The following SMG1 variants were observed in gnomAD, a reference collection of about 807,000 sequenced individuals.
The protein encoded by SMG1 is serine/threonine-protein kinase SMG1.
Under a neutral mutation model 419.9 loss-of-function variants are expected in SMG1, and 22 were observed. The ratio of observed to expected loss-of-function variants is 0.05; its 90% CI spans 0.04 to 0.07. The LOEUF is 0.07. Among genes scored for constraint, SMG1 ranks in the 10% least tolerant of loss-of-function variants. SMG1 has a pLI of 1.00. For missense variants in SMG1, 3,185 were observed against 4,342.0 expected (o/e 0.73, Z 7.49); for synonymous variants, 1,538 against 1,553.5 (o/e 0.99, Z 0.23).
intron 37 of SMG1, 66 bp from the exon 38 acceptor site, chr16:18,847,673 T>C (rs1313902605): frequency 6.2e-7 from 1 of 1,601,504 alleles, no homozygotes; most frequent in African/African-American, 1.3e-5. Flanking sequence ...CTTCAAACAC[T>C]GGACTTTGTA....
chr16:18,898,263 G>T (rs1245954265), intron 1 of SMG1, among the ~76,000 whole-genome samples: 4 of 152,102 alleles, frequency 2.6e-5, no homozygotes, highest in Non-Finnish European at 5.9e-5. Context: ...TACTTATAAA[G>T]GATCTCAATC....
chr16:18,925,352 G>C (rs2142053692), intron 1 of SMG1: 1 of 152,304 alleles, frequency 6.6e-6, no homozygotes. Flanking sequence ...TGCACTTAGG[G>C]AAAACTTCCA....
intron 62 of SMG1, 98 bp downstream of exon 62, chr16:18,811,663 T>C (rs1415172681): frequency 1.0e-5 from 11 of 1,077,560 alleles, no homozygotes; most frequent in Middle Eastern, 2.1e-4. Flanking sequence ...TTTAAGTTCC[T>C]TGATGAACTA....
intron 10 of SMG1, among the ~76,000 whole-genome samples, chr16:18,880,778 A>G (rs2036354721): frequency 6.6e-6 from 1 of 150,720 alleles, no homozygotes; most frequent in Admixed American, 6.6e-5. Context: ...TCATGTCTAT[A>G]ATCCCAACAC....
intron 28 of SMG1, 46 bp from the exon 29 acceptor site, chr16:18,858,336 A>G: frequency 3.2e-6 from 5 of 1,554,062 alleles, no homozygotes; most frequent in Non-Finnish European, 2.6e-6. Context: ...CAGGCTGTTG[A>G]TATGTTTGCA....
Position 18,838,119 on chromosome 16 carries a change from A to G in SMG1, c.7308T>C (p.Ala2436=). 6.2e-7 allele frequency: 1 copy of G among 1,613,936 alleles called. No individual in the cohort carries two copies. ...CCTGCTGGCCACCTCCACCATAGACAGCACCAGCAAACCCAGCCTCGCCTC... is the reference window on the plus strand; with the variant it reads ...CCTGCTGGCCACCTCCACCATAGACGGCACCAGCAAACCCAGCCTCGCCTC... ...TAGGEAGFAG[A]VYGGGGQQAE... The change falls in exon 45 of 63, where the codon GCT becomes GCC. Residue 2436 remains alanine, a synonymous_variant. Coordinates refer to ENST00000446231, the MANE Select transcript of SMG1 (RefSeq NM_015092.5).
At chr16:18,919,648 GTGTATA>G (rs1428767714) in intron 1 of SMG1, among the ~76,000 whole-genome samples, 3 of 96,770 alleles carry the variant, frequency 3.1e-5, no homozygotes, top group African/African-American at 1.3e-4. Flanking sequence ...GTGTGTGTGT[GTGTATA>G]TATACACACA....
chr16:18,909,503 A>G (rs1195823722), intron 1 of SMG1, among the ~76,000 whole-genome samples: 1 of 152,316 alleles, frequency 6.6e-6, no homozygotes, highest in East Asian at 1.9e-4. Context: ...ACACAGTGAG[A>G]CTGTGTCTCT....
chr16:18,906,539 T>C (rs539590776), intron 1 of SMG1, among the ~76,000 whole-genome samples: 6 of 152,218 alleles, frequency 3.9e-5, no homozygotes, highest in African/African-American at 1.4e-4. Context: ...ATTCTAGACC[T>C]TACTTAGGAT....
chr16:18,853,895 A>G (rs1264546615), intron 30 of SMG1, 28 bp from the exon 31 acceptor site: 2 of 1,572,826 alleles, frequency 1.3e-6, no homozygotes, highest in South Asian at 1.2e-5. Context: ...GTCAGAACTT[A>G]GAACCTTTAA....
At position 18,811,788 on chromosome 16, in the gene SMG1, C is replaced by T. The variant is rs370585828; in HGVS notation, c.10881G>A (p.Pro3627=). 53 of 1,613,854 alleles carry T rather than the reference C, an allele frequency of 3.3e-5. No individual in the cohort carries two copies. The South Asian group carries it at 4.0e-4, about 12-fold the overall frequency. Residue 3627 remains proline, a synonymous_variant, in exon 62 of 63, where the codon CCG becomes CCA. Transcript: ENST00000446231. ...KAKLEGRDVD[P]NRRMSVAEQV... Reference sequence around the variant, plus strand: ...GTTCAGCAACTGACATCCTCCTATTCGGATCAACATCTCGGCCCTCTAACT... The same window carrying T: ...GTTCAGCAACTGACATCCTCCTATTTGGATCAACATCTCGGCCCTCTAACT...
At position 18,852,189 on chromosome 16, in the gene SMG1, G is replaced by A. The variant is rs371248563; in HGVS notation, c.4930C>T (p.Arg1644Cys). 85 of 1,613,280 alleles carry A rather than the reference G, an allele frequency of 5.3e-5. No individual in the cohort carries two copies. Among genetic ancestry groups the A allele is most frequent in the Middle Eastern group, 1.6e-4 (1 of 6,084 alleles). ...VDNASQGEGV[R>C]LLPREKSEVQ... The stretch of plus-strand genomic sequence containing the variant: ...TCAGATTTTTCTCTAGGCAGCAGAC[G>A]AACACCTTCTCCCTGACTATAAAAA... Residue 1644 changes from arginine (R) to cysteine (C), a missense_variant, in exon 33 of 63, where the codon CGT becomes TGT. Arg to Cys is a radical substitution (Grantham distance 180). Around this residue, in one of 27 missense-constraint regions of SMG1, gnomAD observed 493 missense variants for 552.9 expected, o/e 0.89. Coordinates refer to ENST00000446231, the MANE Select transcript of SMG1 (RefSeq NM_015092.5).
In SMG1 at chr16:18,847,807, T is replaced by C; in HGVS notation, c.5841+9A>G. Reference sequence around the variant, plus strand: ...AAAATTCTTCTACAACATGTGAGTTTCTTTGTACCTGTAATACCATGGTGG... The same window carrying C: ...AAAATTCTTCTACAACATGTGAGTTCCTTTGTACCTGTAATACCATGGTGG... On this transcript the variant is annotated intron_variant, in intron 37 of 62. Transcript: ENST00000446231. 1.2e-6 allele frequency: 2 copies of C among 1,609,496 alleles called. No homozygotes were observed. Among genetic ancestry groups the C allele is most frequent in the Non-Finnish European group, 1.7e-6 (2 of 1,178,368 alleles).
intron 19 of SMG1, 97 bp from the exon 20 acceptor site, chr16:18,869,400 T>A: frequency 9.1e-7 from 1 of 1,100,096 alleles, no homozygotes. Context: ...AACTGTAATT[T>A]TCCCTACTCC....
intron 1 of SMG1, among the ~76,000 whole-genome samples, chr16:18,908,664 G>A (rs1233458392): frequency 6.6e-6 from 1 of 151,856 alleles, no homozygotes; most frequent in Non-Finnish European, 1.5e-5. Flanking sequence ...AGGATCTCAA[G>A]GTCAGGAGAT....
At chr16:18,908,866 C>T (rs956914060) in intron 1 of SMG1, among the ~76,000 whole-genome samples, 4 of 149,892 alleles carry the variant, frequency 2.7e-5, no homozygotes, top group African/African-American at 4.9e-5. Context: ...GGTGACACAG[C>T]GAGACTCCGC....
In SMG1 at chr16:18,841,860, CT is replaced by C. The variant is rs1291642903; in HGVS notation, c.6467-67del. 36 of 1,322,644 alleles carry C rather than the reference CT, an allele frequency of 2.7e-5. No homozygotes were observed. The East Asian group carries it at 8.1e-4, about 30-fold the overall frequency. The allele number at this position is 1,322,644 out of a possible 1,614,324, so 81.9% of individuals were successfully genotyped here. A position where few individuals can be genotyped will look rare whatever the true frequency, so the allele number is the denominator to read the frequency against. On this transcript the variant is annotated intron_variant, in intron 40 of 62. Transcript: ENST00000446231. Reference sequence around the variant, plus strand: ...ACAGGGTTGGGAGCATACCACTCCTCTTTTTCAACTAGCAGTGGCAGTCAAA... The same window carrying C: ...ACAGGGTTGGGAGCATACCACTCCTCTTTTCAACTAGCAGTGGCAGTCAAA...
At chr16:18,916,264 C>T (rs2037973005) in intron 1 of SMG1, among the ~76,000 whole-genome samples, 1 of 151,346 alleles carries the variant, frequency 6.6e-6, no homozygotes. Context: ...GCCTGTAATC[C>T]CAGCACTTTG....
intron 1 of SMG1, among the ~76,000 whole-genome samples, chr16:18,908,476 C>CAAAAAAAAAAAAA (rs59890240): frequency 1.2e-5 from 1 of 83,708 alleles, no homozygotes; most frequent in Non-Finnish European, 2.3e-5. Flanking sequence ...GACTCCGTCT[C>CAAAAAAAAAAAAA]AAAAAAAAAA....
Sources: gnomAD v4.1 joint callset for allele counts (sites outside exome capture counted in the v4.1 genomes callset) on GRCh38, gnomAD v4.1.1 for gene constraint, gnomAD v4.1.1 regional missense constraint, MANE v1.5 for transcripts, NCBI Gene and HGNC (gene_info 2026-07-23, HGNC 2026-07-21) for gene names.